Variants in CCDC171 observed in about 807,000 individuals in gnomAD.
CCDC171 encodes the protein coiled-coil domain-containing protein 171.
CCDC171 carries 177 observed loss-of-function variants against 168.2 expected under a neutral mutation model. The ratio of observed to expected loss-of-function variants is 1.05; its 90% CI spans 0.93 to 1.19. CCDC171 has a LOEUF of 1.19. Among genes scored for constraint, CCDC171 ranks in the 50% most tolerant of loss-of-function variants. CCDC171 has a pLI of 0.00. For synonymous variants in CCDC171, 687 were observed against 540.8 expected, an observed-to-expected ratio of 1.27 and a Z score of -3.75; for missense variants, 1,991 against 1,539.0, an observed-to-expected ratio of 1.29 and a Z score of -4.91.
At chr9:15,944,823 C>A (rs1231452989) in intron 25 of CCDC171, among the ~76,000 whole-genome samples, 1 of 33,776 alleles carries the variant, frequency 3.0e-5, no homozygotes, top group African/African-American at 9.3e-5. Flanking sequence ...GGTTAGAATT[C>A]TTTTTCTTTC....
intron 6 of CCDC171, among the ~76,000 whole-genome samples, chr9:16,028,030 T>C (rs1346775458): frequency 6.6e-6 from 1 of 152,126 alleles, no homozygotes; most frequent in Non-Finnish European, 1.5e-5. Flanking sequence ...GAAGGCAGCA[T>C]TTGAACTAGC....
At chr9:15,633,920 A>G (rs1437047052) in intron 7 of CCDC171, among the ~76,000 whole-genome samples, 2 of 152,196 alleles carry the variant, frequency 1.3e-5, no homozygotes, top group Non-Finnish European at 2.9e-5. Flanking sequence ...AAACTATCGC[A>G]AGAACAACAA....
At chr9:15,832,327 T>C (rs1474431364) in intron 21 of CCDC171, among the ~76,000 whole-genome samples, 1 of 152,184 alleles carries the variant, frequency 6.6e-6, no homozygotes, top group Non-Finnish European at 1.5e-5. Flanking sequence ...TCATTTGAAA[T>C]ACAGTCATGT....
At chr9:15,865,928 C>A (rs539233301) in intron 23 of CCDC171, among the ~76,000 whole-genome samples, 6 of 151,746 alleles carry the variant, frequency 4.0e-5, no homozygotes, top group Non-Finnish European at 8.8e-5. Flanking sequence ...ACTTAGAAAA[C>A]TCAGGGATTG....
chr9:15,566,213 A>C (rs1296087688), intron 2 of CCDC171, among the ~76,000 whole-genome samples: 2 of 146,048 alleles, frequency 1.4e-5, no homozygotes, highest in African/African-American at 5.1e-5. Context: ...TTTTTATGTT[A>C]TTGAGCTTTA....
intron 6 of CCDC171, among the ~76,000 whole-genome samples, chr9:15,613,509 TTTTTCTTTTTTTC>T (rs1175681682): frequency 1.3e-5 from 2 of 151,302 alleles, no homozygotes; most frequent in Non-Finnish European, 3.0e-5. Context: ...TTGATTTGCA[TTTTTCTTTTTTTC>T]TTTTCTTTTT....
chr9:15,566,697 T>G (rs1421487728), intron 2 of CCDC171, among the ~76,000 whole-genome samples: 1 of 152,238 alleles, frequency 6.6e-6, no homozygotes, highest in Non-Finnish European at 1.5e-5. Context: ...GTTTATCAGT[T>G]CTTTTCCTAT....
Position 15,985,198 on chromosome 9 carries a change from T to A in CCDC171, n.369-35391T>A, listed in dbSNP as rs183199298. 2.6e-5 allele frequency among the ~76,000 whole-genome samples: 4 copies of A among 152,252 alleles called. No individual in the cohort carries two copies. The East Asian group carries it at 7.7e-4, about 29-fold the overall frequency. On this transcript the variant is annotated intron_variant and non_coding_transcript_variant, in intron 3 of 9. Transcript: ENST00000486641. Reference sequence around the variant, plus strand: ...CACACAGGAAGGGAGGCTCCATAATTATGTGGCAAATGGAAATAACCTTAC... The same window carrying A: ...CACACAGGAAGGGAGGCTCCATAATAATGTGGCAAATGGAAATAACCTTAC...
intron 6 of CCDC171, among the ~76,000 whole-genome samples, chr9:15,599,635 G>T (rs2042670823): frequency 6.6e-6 from 1 of 152,098 alleles, no homozygotes; most frequent in South Asian, 2.1e-4. Context: ...TCTTGGAGTT[G>T]CTCCTTTCGA....
At chr9:15,961,034 A>G (rs1407153777) in intron 25 of CCDC171, among the ~76,000 whole-genome samples, 2 of 152,164 alleles carry the variant, frequency 1.3e-5, no homozygotes, top group Non-Finnish European at 2.9e-5. Flanking sequence ...TGGGTTTCAA[A>G]TTGCAAAATG....
chr9:15,607,857 A>G (rs2043338462), intron 6 of CCDC171, among the ~76,000 whole-genome samples: 1 of 152,140 alleles, frequency 6.6e-6, no homozygotes, highest in African/African-American at 2.4e-5. Flanking sequence ...CGTGTGCCAT[A>G]ATTTACTCAT....
intron 10 of CCDC171, among the ~76,000 whole-genome samples, chr9:15,694,235 C>T (rs1370525189): frequency 6.6e-6 from 1 of 152,134 alleles, no homozygotes; most frequent in African/African-American, 2.4e-5. Context: ...TCCCATCAAA[C>T]ACTTTAAGGC....
intron 23 of CCDC171, among the ~76,000 whole-genome samples, chr9:15,868,224 A>G (rs1240102164): frequency 6.6e-6 from 1 of 152,040 alleles, no homozygotes; most frequent in Non-Finnish European, 1.5e-5. Context: ...ACCTGCCAGC[A>G]AAAGAGGGCT....
intron 21 of CCDC171, among the ~76,000 whole-genome samples, chr9:15,826,081 C>T (rs951201143): frequency 1.3e-5 from 2 of 151,780 alleles, no homozygotes; most frequent in East Asian, 1.9e-4. Flanking sequence ...TTTATATTCT[C>T]GTAGTTTCTC....
chr9:15,556,934 GT>G (rs2132410448), intron 1 of CCDC171, among the ~76,000 whole-genome samples: 1 of 152,260 alleles, frequency 6.6e-6, no homozygotes, highest in African/African-American at 2.4e-5. Context: ...ATAAGGAAGG[GT>G]TCCAGTTTCA....
At chr9:16,050,833 T>C (rs568078406) in intron 1 of CCDC171, among the ~76,000 whole-genome samples, 2 of 152,226 alleles carry the variant, frequency 1.3e-5, no homozygotes, top group African/African-American at 2.4e-5. Context: ...AGTTTTTGAA[T>C]GATCTTGTCA....
the CCDC171 span, among the ~76,000 whole-genome samples, chr9:16,102,530 A>G: frequency 6.6e-6 from 1 of 151,880 alleles, no homozygotes; most frequent in African/African-American, 2.4e-5. Flanking sequence ...GGTGGGTACA[A>G]ATATAAACAG....
downstream of CCDC171, among the ~76,000 whole-genome samples, chr9:15,977,161 T>C (rs533514580): frequency 4.6e-5 from 7 of 152,324 alleles, no homozygotes; most frequent in Admixed American, 3.9e-4. Context: ...AATGTGTTGA[T>C]TGACATATCC....
chr9:15,918,442 A>C (rs1223996076), intron 24 of CCDC171, among the ~76,000 whole-genome samples: 1 of 151,074 alleles, frequency 6.6e-6, no homozygotes. Flanking sequence ...AAAAAAAAAA[A>C]CCAGGACTTG....
Sources: allele counts gnomAD v4.1 joint callset (sites outside exome capture counted in the v4.1 genomes callset), GRCh38; gene constraint gnomAD v4.1.1; transcripts MANE v1.5; gene names NCBI Gene and HGNC (gene_info 2026-07-23, HGNC 2026-07-21).